MEIOSIN: variants seen among roughly 807,000 people sequenced by gnomAD.
The protein encoded by MEIOSIN is meiosis initiator protein.
A neutral mutation model predicts 23.4 loss-of-function variants in MEIOSIN; 18 were observed. The observed-to-expected ratio is 0.77, with a 90% confidence interval of 0.53 to 1.14. The LOEUF is 1.14. Among genes scored for constraint, MEIOSIN ranks in the 50% most tolerant of loss-of-function variants. The pLI, the probability that MEIOSIN is intolerant of heterozygous loss-of-function variation, is 0.00. For synonymous variants in MEIOSIN, 187 were observed against 100.6 expected (o/e 1.86, Z -5.14); for missense variants, 428 against 242.9 (o/e 1.76, Z -5.07).
chr19:45,759,070 C>T (rs1362296914), intron 10 of MEIOSIN, 37 bp downstream of exon 10: 9 of 702,642 alleles, frequency 1.3e-5, no homozygotes, highest in East Asian at 2.7e-5. Flanking sequence ...TTAGTTCATT[C>T]GGGAAACATA....
chr19:45,748,890 G>A (rs534865136), intron 4 of MEIOSIN, among the ~76,000 whole-genome samples: 1 of 151,852 alleles, frequency 6.6e-6, no homozygotes, highest in Admixed American at 6.6e-5. Context: ...CCAACATGGT[G>A]AAACCTTGTC....
Position 45,742,550 on chromosome 19 carries a change from C to G in MEIOSIN, c.177-2642C>G, listed in dbSNP as rs980204740. 7.9e-5 allele frequency among the ~76,000 whole-genome samples: 12 copies of G among 151,888 alleles called. 1 individual carries two copies. The South Asian group carries it at 2.5e-3, about 32-fold the overall frequency. Reference sequence around the variant, plus strand: ...ATCCTAGCACTTTGGGAGGCCAAGGCGGACAGATCATGAGGTCAGGAGATT... The same window carrying G: ...ATCCTAGCACTTTGGGAGGCCAAGGGGGACAGATCATGAGGTCAGGAGATT... On this transcript the variant is annotated intron_variant, in intron 3 of 14. Transcript: ENST00000457052.
intron 11 of MEIOSIN, among the ~76,000 whole-genome samples, chr19:45,761,184 G>T (rs949583040): frequency 1.3e-5 from 2 of 150,278 alleles, no homozygotes; most frequent in Non-Finnish European, 3.0e-5. Context: ...GAGTGCAGTG[G>T]TACGATCTCG....
intron 11 of MEIOSIN, among the ~76,000 whole-genome samples, chr19:45,760,254 G>A (rs1968912560): frequency 1.3e-5 from 2 of 151,844 alleles, no homozygotes; most frequent in Middle Eastern, 3.4e-3. Context: ...GATCACCTGA[G>A]ATCAGGAGTT....
chr19:45,743,013 C>T lies in MEIOSIN; in HGVS notation c.177-2179C>T, dbSNP rs187225201. Among the ~76,000 whole-genome samples the T allele has an allele frequency of 1.8e-4, 27 of 152,240 alleles. No homozygotes were observed. In the East Asian group the frequency reaches 4.8e-3, roughly 27 times the overall value. On this transcript the variant is annotated intron_variant, in intron 3 of 14. Transcript: ENST00000457052. ...GGAAGAAATTGGCTAAAACCCGAACCATCCAGCAAAGAAAAGAGGCAGCTC... is the reference window on the plus strand; with the variant it reads ...GGAAGAAATTGGCTAAAACCCGAACTATCCAGCAAAGAAAAGAGGCAGCTC...
rs113251011 is a variant in MEIOSIN, at chr19:45,764,429, G to A, written c.*311G>A. The A allele has an allele frequency of 1.3e-5, 4 of 298,500 alleles. No individual in the cohort carries two copies. The highest frequency in any genetic ancestry group is 5.2e-5 in the Admixed American group (1 of 19,080). 18.5% of individuals were successfully genotyped at this position (298,500 alleles called of 1,614,324 possible). A position where few individuals can be genotyped will look rare whatever the true frequency, so the allele number is the denominator to read the frequency against. ...TCCCTTCCCCACCCCAGAGCCACTC[G>A]GTTGCAACCCTGTTCATGCTCACCT... On this transcript the variant is annotated 3_prime_UTR_variant, in exon 15 of 15. Transcript: ENST00000457052.
chr19:45,744,898 G>A (rs140366916), intron 3 of MEIOSIN, among the ~76,000 whole-genome samples: 620 of 152,310 alleles, frequency 4.1e-3, no homozygotes, highest in Non-Finnish European at 6.7e-3. Flanking sequence ...AGTAGGGATG[G>A]AAGAGGCCAA....
At position 45,761,101 on chromosome 19, in the gene MEIOSIN, T is replaced by C. The variant is rs139706132; in HGVS notation, c.1246-578T>C. On this transcript the variant is annotated intron_variant, in intron 11 of 14. Transcript: ENST00000457052. ...ACCATGCCCAGCTGGTTTTTTAAAT[T>C]ATTTTTAAATTTAACTTAATTCAAT... Among the ~76,000 whole-genome samples, 421 of 149,264 alleles carry C rather than the reference T, an allele frequency of 2.8e-3. 2 individuals carry two copies. The highest frequency in any genetic ancestry group is 9.8e-3 in the African/African-American group (393 of 40,274).
intron 9 of MEIOSIN, among the ~76,000 whole-genome samples, chr19:45,757,876 G>A (rs551182964): frequency 6.6e-6 from 1 of 152,316 alleles, no homozygotes; most frequent in Middle Eastern, 3.4e-3. Context: ...CCCTGAGGCT[G>A]GAGTGCAGTG....
chr19:45,741,089 C>T (rs745347179), intron 3 of MEIOSIN, among the ~76,000 whole-genome samples: 1 of 152,128 alleles, frequency 6.6e-6, no homozygotes, highest in Non-Finnish European at 1.5e-5. Flanking sequence ...GTGGCTCACG[C>T]CTGTAATCCC....
intron 3 of MEIOSIN, among the ~76,000 whole-genome samples, chr19:45,743,980 T>A (rs1470474143): frequency 6.6e-6 from 1 of 151,416 alleles, no homozygotes; most frequent in East Asian, 1.9e-4. Context: ...GGCCTCTTCA[T>A]GTATTGGTGA....
At chr19:45,734,169 A>G (rs1403566627) in intron 1 of MEIOSIN, among the ~76,000 whole-genome samples, 1 of 152,100 alleles carries the variant, frequency 6.6e-6, no homozygotes, top group Non-Finnish European at 1.5e-5. Context: ...TTGAGTCTTT[A>G]GAAGCACGTT....
chr19:45,735,256 T>C, intron 1 of MEIOSIN, 121 bp from the exon 2 acceptor site: 1 of 615,388 alleles, frequency 1.6e-6, no homozygotes, highest in Middle Eastern at 3.9e-4. Flanking sequence ...GGACTCTTAT[T>C]TTGGGATCTC....
intron 2 of MEIOSIN, 101 bp downstream of exon 2, chr19:45,735,548 C>A: frequency 1.6e-6 from 1 of 620,998 alleles, no homozygotes; most frequent in South Asian, 1.8e-5. Flanking sequence ...GACTCTTTGC[C>A]AAACATTTTG....
chr19:45,743,745 C>T (rs969316998), intron 3 of MEIOSIN, among the ~76,000 whole-genome samples: 3 of 152,174 alleles, frequency 2.0e-5, no homozygotes, highest in African/African-American at 7.2e-5. Flanking sequence ...TGGCCTTGAA[C>T]TCCTGGGCCC....
At chr19:45,735,772 A>G (rs1165088396) in intron 2 of MEIOSIN, among the ~76,000 whole-genome samples, 2 of 151,528 alleles carry the variant, frequency 1.3e-5, no homozygotes, top group Non-Finnish European at 2.9e-5. Flanking sequence ...CGCCTCCTGA[A>G]CTCAAGTGAT....
At chr19:45,739,031 T>C (rs1197256301) in intron 2 of MEIOSIN, among the ~76,000 whole-genome samples, 1 of 152,190 alleles carries the variant, frequency 6.6e-6, no homozygotes, top group African/African-American at 2.4e-5. Context: ...ATGTCGGCCT[T>C]GGCTGGTTCC....
chr19:45,761,940 A>T lies in MEIOSIN; in HGVS notation c.1436A>T (p.Asp479Val), dbSNP rs1346874780. ...CTCACCACCCTCTCCCTCCCCCAGG[A>T]TATGCAGGCCAACCCTGTGGGCACG... ...DSEPLWKQREDMQANPVGTPG... is the reference protein window; with the variant it reads ...DSEPLWKQREVMQANPVGTPG... The change falls in exon 13 of 15, where the codon GAT (aspartate) becomes GTT (valine). Residue 479 changes from aspartate to valine, a missense_variant and splice_region_variant. Coordinates refer to ENST00000457052, the MANE Select transcript of MEIOSIN (RefSeq NM_001310124.2). 1.0e-5 allele frequency: 6 copies of T among 597,944 alleles called. No homozygotes were observed. The highest frequency in any genetic ancestry group is 1.8e-5 in the Non-Finnish European group (6 of 332,570). 37.0% of individuals were successfully genotyped at this position (597,944 alleles called of 1,614,324 possible). A position where few individuals can be genotyped will look rare whatever the true frequency, so the allele number is the denominator to read the frequency against.
chr19:45,750,902 A>G (rs1968691204), intron 5 of MEIOSIN, 116 bp downstream of exon 5: 1 of 405,360 alleles, frequency 2.5e-6, no homozygotes, highest in Non-Finnish European at 4.4e-6. Flanking sequence ...AAAGAGAGAT[A>G]TGCAAGATGC....
Sources: gnomAD v4.1 joint callset for allele counts (sites outside exome capture counted in the v4.1 genomes callset) on GRCh38, gnomAD v4.1.1 for gene constraint, MANE v1.5 for transcripts, NCBI Gene and HGNC (gene_info 2026-07-23, HGNC 2026-07-21) for gene names.